The following ZFHX3 variants were observed in gnomAD, a reference collection of about 807,000 sequenced individuals.
The protein encoded by ZFHX3 is zinc finger homeobox 3, also known as zinc finger homeobox protein 3.
Under a neutral mutation model 279.1 loss-of-function variants are expected in ZFHX3, and 42 were observed. The observed-to-expected ratio is 0.15, with a 90% confidence interval of 0.12 to 0.19. The LOEUF (loss-of-function observed/expected upper bound fraction) is 0.19, where lower values mean the gene tolerates loss of function less well. Ranked by LOEUF, ZFHX3 falls within the 10% of genes least tolerant of loss-of-function variation. The probability of loss-of-function intolerance (pLI) is 1.00; values close to 1 mark genes in which losing one functional copy is unlikely to be tolerated. For missense variants in ZFHX3, 4,981 were observed against 4,754.0 expected (o/e 1.05, Z -1.40); for synonymous variants, 2,293 against 1,957.8 (o/e 1.17, Z -4.52).
chr16:72,799,164 C>T (rs1262960496), intron 8 of ZFHX3, among the ~76,000 whole-genome samples: 1 of 152,086 alleles, frequency 6.6e-6, no homozygotes, highest in Admixed American at 6.5e-5. Flanking sequence ...TAATGCTGTC[C>T]TAAGTTGTGA....
At chr16:73,481,055 G>A (rs1319277596) in intron 2 of ZFHX3, among the ~76,000 whole-genome samples, 1 of 152,108 alleles carries the variant, frequency 6.6e-6, no homozygotes, top group African/African-American at 2.4e-5. Flanking sequence ...CCCGGGCTGG[G>A]TGTGGTGGCT....
chr16:72,903,762 C>T (rs374923438), intron 3 of ZFHX3, among the ~76,000 whole-genome samples: 6 of 152,256 alleles, frequency 3.9e-5, no homozygotes, highest in South Asian at 2.1e-4. Flanking sequence ...GAAGTAAAAA[C>T]GAGAATAACT....
At chr16:72,912,566 CTT>C (rs2039345262) in intron 3 of ZFHX3, among the ~76,000 whole-genome samples, 2 of 152,100 alleles carry the variant, frequency 1.3e-5, no homozygotes, top group South Asian at 2.1e-4. Context: ...CTTTTTAAGA[CTT>C]TGAATAAAAC....
chr16:73,590,111 G>C (rs2051978704), intron 2 of ZFHX3, among the ~76,000 whole-genome samples: 1 of 152,120 alleles, frequency 6.6e-6, no homozygotes, highest in Non-Finnish European at 1.5e-5. Context: ...TTTGGGCATG[G>C]GAAAAGGACC....
chr16:73,450,577 G>C (rs2143558097), intron 3 of ZFHX3, among the ~76,000 whole-genome samples: 1 of 152,264 alleles, frequency 6.6e-6, no homozygotes, highest in South Asian at 2.1e-4. Flanking sequence ...GCAATCACTT[G>C]ACTTTACTAC....
At chr16:73,180,772 C>T (rs890069782) in intron 5 of ZFHX3, among the ~76,000 whole-genome samples, 1 of 152,038 alleles carries the variant, frequency 6.6e-6, no homozygotes, top group Admixed American at 6.5e-5. Context: ...AAGCGATTCT[C>T]GTGCCTCAGC....
chr16:73,536,878 G>C (rs1037613387), intron 2 of ZFHX3, among the ~76,000 whole-genome samples: 1 of 152,060 alleles, frequency 6.6e-6, no homozygotes, highest in South Asian at 2.1e-4. Context: ...TAAGGGATCT[G>C]TGTTTTATTA....
At chr16:73,393,426 T>C (rs566541308) in intron 3 of ZFHX3, among the ~76,000 whole-genome samples, 12 of 152,180 alleles carry the variant, frequency 7.9e-5, no homozygotes, top group Non-Finnish European at 1.5e-4. Flanking sequence ...TCCATACAAA[T>C]GTTACATTCA....
intron 2 of ZFHX3, among the ~76,000 whole-genome samples, chr16:73,575,014 C>G (rs925627661): frequency 6.6e-6 from 1 of 152,188 alleles, no homozygotes; most frequent in Admixed American, 6.5e-5. Context: ...TATCCATATG[C>G]TCTTTTAAAT....
At position 72,786,422 on chromosome 16, in the gene ZFHX3, T is replaced by G. The variant is rs1395669772; in HGVS notation, c.*742A>C. ...TTGTGTGTGTGGGTTATTATTTTTT[T>G]TTTTTTTTGAAAGTGGGAGTGCTTA... On this transcript the variant is annotated 3_prime_UTR_variant, in exon 10 of 10. Coordinates refer to ENST00000268489, the MANE Select transcript of ZFHX3 (RefSeq NM_006885.4). 3 of 151,968 alleles carry G rather than the reference T, an allele frequency of 2.0e-5. No individual in the cohort carries two copies. The East Asian group carries it at 5.8e-4, about 29-fold the overall frequency. The allele number at this position is 151,968 out of a possible 1,614,324, so 9.4% of individuals were successfully genotyped here.
intron 4 of ZFHX3, among the ~76,000 whole-genome samples, chr16:72,884,433 C>G (rs2038572423): frequency 6.6e-6 from 1 of 152,196 alleles, no homozygotes; most frequent in South Asian, 2.1e-4. Flanking sequence ...CTGAGCTGGT[C>G]TAGTCATCAG....
At chr16:72,944,946 T>C (rs780353870) in intron 3 of ZFHX3, among the ~76,000 whole-genome samples, 1 of 152,256 alleles carries the variant, frequency 6.6e-6, no homozygotes, top group Non-Finnish European at 1.5e-5. Flanking sequence ...GGTTTTTAAG[T>C]ACTAAACTTT....
intron 5 of ZFHX3, among the ~76,000 whole-genome samples, chr16:72,828,118 T>G (rs1160555016): frequency 1.3e-5 from 2 of 152,162 alleles, no homozygotes; most frequent in Non-Finnish European, 2.9e-5. Context: ...CTTGTTTAAA[T>G]AGTGAAGTCC....
chr16:73,779,465 G>A (rs1385531227), intron 1 of ZFHX3, among the ~76,000 whole-genome samples: 1 of 152,128 alleles, frequency 6.6e-6, no homozygotes, highest in African/African-American at 2.4e-5. Context: ...AAAGAATGAG[G>A]TTGCCTCTCC....
chr16:73,401,188 G>A (rs938658738), intron 3 of ZFHX3: 1 of 151,874 alleles, frequency 6.6e-6, no homozygotes, highest in Non-Finnish European at 1.5e-5. Context: ...ACGCAGGCAG[G>A]GCTTGTGAAA....
intron 2 of ZFHX3, among the ~76,000 whole-genome samples, chr16:73,655,376 A>T (rs868379369): frequency 3.3e-5 from 5 of 152,218 alleles, no homozygotes; most frequent in African/African-American, 1.2e-4. Context: ...ATAATTGTAC[A>T]TGTAGAAAAT....
chr16:72,966,680 G>A (rs1961859089), intron 1 of ZFHX3, among the ~76,000 whole-genome samples: 1 of 152,212 alleles, frequency 6.6e-6, no homozygotes, highest in South Asian at 2.1e-4. Flanking sequence ...CGGGTGCAGG[G>A]AAGAGAAGTC....
intron 3 of ZFHX3, among the ~76,000 whole-genome samples, chr16:72,909,422 G>A (rs930597785): frequency 2.2e-4 from 34 of 152,144 alleles, no homozygotes; most frequent in African/African-American, 7.7e-4. Flanking sequence ...GCAGTGATAT[G>A]CTGTTCCCTG....
In ZFHX3 at chr16:73,830,691, A is replaced by C. The variant is rs548445729; in HGVS notation, c.-1608+60960T>G. On this transcript the variant is annotated intron_variant, in intron 1 of 17. Coordinates refer to the ZFHX3 transcript ENST00000641206. ...CAAATTGTCAACATCAACAAATTGC[A>C]CTTGGATCAAAAATTCTAAATTCAA... is the stretch of plus-strand genomic sequence containing the variant. 2.0e-3 allele frequency among the ~76,000 whole-genome samples: 312 copies of C among 152,376 alleles called. 1 individual carries two copies. Among genetic ancestry groups the C allele is most frequent in the Non-Finnish European group, 3.4e-3 (234 of 68,042 alleles).
Sources: gnomAD v4.1 joint callset for allele counts (sites outside exome capture counted in the v4.1 genomes callset) on GRCh38, gnomAD v4.1.1 for gene constraint, MANE v1.5 for transcripts, NCBI Gene and HGNC (gene_info 2026-07-23, HGNC 2026-07-21) for gene names.